PHF20L1: variants seen among roughly 807,000 people sequenced by gnomAD.
PHF20L1 encodes the protein PHD finger protein 20 like 1, also known as PHD finger protein 20-like protein 1.
PHF20L1 carries 44 observed loss-of-function variants against 125.5 expected under a neutral mutation model. That is an observed-to-expected ratio of 0.35 (90% CI 0.28 to 0.45). PHF20L1 has a LOEUF of 0.45. Ranked by LOEUF, PHF20L1 falls within the 20% of genes least tolerant of loss-of-function variation. The pLI, the probability that PHF20L1 is intolerant of heterozygous loss-of-function variation, is 1.00. For synonymous variants in PHF20L1, 380 were observed against 403.1 expected (o/e 0.94, Z 0.69); for missense variants, 1,012 against 1,217.2 (o/e 0.83, Z 2.51).
rs747988964 is a variant in PHF20L1, at chr8:132,801,444, T to C, written c.507+2272T>C. Among the ~76,000 whole-genome samples the C allele has an allele frequency of 4.6e-5, 7 of 151,856 alleles. No homozygotes were observed. The South Asian group carries it at 1.2e-3, about 27-fold the overall frequency. On this transcript the variant is annotated intron_variant, in intron 6 of 20. Transcript: ENST00000395386. ...GAAGTGATTCCTTTAACCCAAAGTT[T>C]CTGATTTCAAACACAGTGCCCTTTT...
chr8:132,820,687 A>G lies in PHF20L1; in HGVS notation c.1579+3142A>G, dbSNP rs142456244. ...ATTATAGTAGATGATGTCTGTGGTC[A>G]CTTTTGGCTCTACAATGTTGATGTT... On this transcript the variant is annotated intron_variant, in intron 12 of 20. Coordinates refer to ENST00000395386, the MANE Select transcript of PHF20L1 (RefSeq NM_016018.5). Among the ~76,000 whole-genome samples the G allele has an allele frequency of 4.2e-3, 636 of 152,048 alleles. 4 individuals carry two copies. Among genetic ancestry groups the G allele is most frequent in the African/African-American group, 0.015 (603 of 41,522 alleles).
intron 9 of PHF20L1, chr8:132,812,934 T>A (rs1033758739): frequency 1.0e-6 from 1 of 955,054 alleles, no homozygotes; most frequent in Admixed American, 6.2e-5. Context: ...ATTCTCAGCT[T>A]ATTAATTATA....
At chr8:132,794,299 GTTTTC>G (rs1832134532) in intron 2 of PHF20L1, 106 bp from the exon 3 acceptor site, 8 of 626,342 alleles carry the variant, frequency 1.3e-5, no homozygotes, top group Non-Finnish European at 2.2e-5. Flanking sequence ...CGTATTTATT[GTTTTC>G]TTCATGGTTT....
intron 12 of PHF20L1, among the ~76,000 whole-genome samples, chr8:132,821,441 T>C (rs1026343883): frequency 6.6e-6 from 1 of 151,978 alleles, no homozygotes; most frequent in Admixed American, 6.6e-5. Context: ...GGTTTTGAAA[T>C]GGCCTTCATT....
chr8:132,830,174 AT>A (rs750515690), intron 14 of PHF20L1, among the ~76,000 whole-genome samples: 1 of 151,932 alleles, frequency 6.6e-6, no homozygotes, highest in Non-Finnish European at 1.5e-5. Flanking sequence ...AGGCTTCTGC[AT>A]TGCTTGGCTC....
intron 12 of PHF20L1, among the ~76,000 whole-genome samples, chr8:132,820,828 T>C (rs555404321): frequency 1.3e-5 from 2 of 152,158 alleles, no homozygotes; most frequent in Non-Finnish European, 2.9e-5. Context: ...AGATGATAAC[T>C]TATTGTTTGT....
At position 132,837,742 on chromosome 8, in the gene PHF20L1, G is replaced by A. The variant is rs1040450099; in HGVS notation, c.2122G>A (p.Val708Met). The change falls in exon 17 of 21, where the codon GTG becomes ATG. Residue 708 changes from valine to methionine, a missense_variant. Physicochemically the swap from Val to Met is conservative, Grantham distance 21. This residue lies in a region of PHF20L1 where 55 missense variants were observed against 114.8 expected (regional missense o/e 0.48). Coordinates refer to ENST00000395386, the MANE Select transcript of PHF20L1 (RefSeq NM_016018.5). ...AGAGTGCTTGTGTTGGCAACACAGC[G>A]TGTGCATGGGGCTGCTGGAGGAGAG... ...CEECLCWQHS[V>M]CMGLLEESIP... 8.1e-6 allele frequency: 13 copies of A among 1,612,902 alleles called. No homozygotes were observed. Among genetic ancestry groups the A allele is most frequent in the African/African-American group, 2.7e-5 (2 of 74,836 alleles).
chr8:132,795,710 G>T (rs1832306975), intron 4 of PHF20L1, among the ~76,000 whole-genome samples: 1 of 151,980 alleles, frequency 6.6e-6, no homozygotes, highest in Non-Finnish European at 1.5e-5. Flanking sequence ...CCCCCAGTGG[G>T]TATTTGAAAC....
Position 132,839,275 on chromosome 8 carries a change from C to T in PHF20L1, c.2192-112C>T. On this transcript the variant is annotated intron_variant, in intron 17 of 20. Transcript: ENST00000395386. ...CGCTGTCTTACTCTTTTTGAATCTG[C>T]TCCTAGTGCTAGAGCTTGCCTTGCT... is the stretch of plus-strand genomic sequence containing the variant. 5.1e-6 allele frequency: 4 copies of T among 778,152 alleles called. No homozygotes were observed. The East Asian group carries it at 9.9e-5, about 19-fold the overall frequency. The allele number at this position is 778,152 out of a possible 1,614,324, so 48.2% of individuals were successfully genotyped here.
At position 132,794,634 on chromosome 8, in the gene PHF20L1, A is replaced by G. The variant is rs368347676; in HGVS notation, c.255+53A>G. On this transcript the variant is annotated intron_variant, in intron 3 of 20. Transcript: ENST00000395386. ...AGTTTTGCCAGCTATGTAATGACATATTTTAAAAGGATTCTGTTAAATTAT... is the reference window on the plus strand; with the variant it reads ...AGTTTTGCCAGCTATGTAATGACATGTTTTAAAAGGATTCTGTTAAATTAT... 15 of 1,512,838 alleles carry G rather than the reference A, an allele frequency of 9.9e-6. 1 individual carries two copies. In the African/African-American group the frequency reaches 1.9e-4, roughly 20 times the overall value. The allele number at this position is 1,512,838 out of a possible 1,614,324, so 93.7% of individuals were successfully genotyped here.
At chr8:132,818,933 G>T (rs937692865) in intron 12 of PHF20L1, 1 of 151,734 alleles carries the variant, frequency 6.6e-6, no homozygotes, top group African/African-American at 2.4e-5. Context: ...TCTAATATTT[G>T]TAACAATATT....
At chr8:132,810,899 T>C (rs1476331231) in intron 8 of PHF20L1, 147 bp from the exon 9 acceptor site, 7 of 612,960 alleles carry the variant, frequency 1.1e-5, no homozygotes, top group Non-Finnish European at 2.1e-5. Context: ...TTAAGCATAT[T>C]TGTATTTTTG....
At chr8:132,816,697 T>C (rs912704438) in intron 10 of PHF20L1, 191 bp from the exon 11 acceptor site, 2 of 481,612 alleles carry the variant, frequency 4.2e-6, no homozygotes, top group African/African-American at 4.1e-5. Flanking sequence ...TTACAATTTT[T>C]GATTGACTCA....
chr8:132,836,076 G>A (rs1338450112), intron 15 of PHF20L1, among the ~76,000 whole-genome samples: 3 of 152,002 alleles, frequency 2.0e-5, no homozygotes, highest in Admixed American at 6.6e-5. Flanking sequence ...AGAATCAGTG[G>A]TGTGCTAGAG....
chr8:132,820,958 TA>T (rs750993554), intron 12 of PHF20L1, among the ~76,000 whole-genome samples: 3 of 151,920 alleles, frequency 2.0e-5, no homozygotes, highest in South Asian at 2.1e-4. Context: ...ATTTTTTTTT[TA>T]TTTTTTAGCA....
Position 132,837,310 on chromosome 8 carries a change from T to C in PHF20L1, c.2092-402T>C, listed in dbSNP as rs539131584. Among the ~76,000 whole-genome samples the C allele has an allele frequency of 3.9e-5, 6 of 152,286 alleles. No homozygotes were observed. In the South Asian group the frequency reaches 1.2e-3, roughly 32 times the overall value. On this transcript the variant is annotated intron_variant, in intron 16 of 20. Coordinates refer to ENST00000395386, the MANE Select transcript of PHF20L1 (RefSeq NM_016018.5). ...TTTTATGGAGGGAACTATGAATTTA[T>C]AACTTCACCACAGAAGTAGTACTTT...
chr8:132,815,035 C>T, intron 10 of PHF20L1, 146 bp downstream of exon 10: 1 of 578,516 alleles, frequency 1.7e-6, no homozygotes, highest in Non-Finnish European at 3.0e-6. Flanking sequence ...ATTTCAGGGG[C>T]AAAAACCATA....
chr8:132,814,578 T>C, intron 9 of PHF20L1, 59 bp from the exon 10 acceptor site: 2 of 1,221,604 alleles, frequency 1.6e-6, no homozygotes, highest in South Asian at 1.6e-5. Flanking sequence ...CAAAATAGAA[T>C]ACAAGAACAA....
intron 8 of PHF20L1, chr8:132,808,457 A>C (rs1336815637): frequency 6.6e-6 from 1 of 152,010 alleles, no homozygotes; most frequent in Admixed American, 6.6e-5. Context: ...AAGTATTTCT[A>C]CCACCTGTGT....
Sources: gnomAD v4.1 joint callset for allele counts (sites outside exome capture counted in the v4.1 genomes callset) on GRCh38, gnomAD v4.1.1 for gene constraint, gnomAD v4.1.1 regional missense constraint, MANE v1.5 for transcripts, NCBI Gene and HGNC (gene_info 2026-07-23, HGNC 2026-07-21) for gene names.